The following CDH4 variants were observed in gnomAD, a reference collection of about 807,000 sequenced individuals.
CDH4 encodes the protein cadherin 4.
Under a neutral mutation model 86.0 loss-of-function variants are expected in CDH4, and 33 were observed. The observed-to-expected ratio is 0.38, with a 90% confidence interval of 0.29 to 0.51. CDH4 has a LOEUF of 0.51. Ranked by LOEUF, CDH4 falls within the 20% of genes least tolerant of loss-of-function variation. The pLI, the probability that CDH4 is intolerant of heterozygous loss-of-function variation, is 0.86. For synonymous variants in CDH4, 555 were observed against 549.4 expected, an observed-to-expected ratio of 1.01 and a Z score of -0.14; for missense variants, 1,114 against 1,307.4, an observed-to-expected ratio of 0.85 and a Z score of 2.28.
At chr20:61,652,938 A>ATTTTTATTTTTTATTT (rs2087138479) in intron 2 of CDH4, among the ~76,000 whole-genome samples, 3 of 97,404 alleles carry the variant, frequency 3.1e-5, no homozygotes, top group Non-Finnish European at 4.7e-5. Flanking sequence ...TTATTTATTT[A>ATTTTTATTTTTTATTT]TTTTTTTTTT....
rs2054733720 is a variant in CDH4 at position 61,902,173 on chromosome 20, C to T, written c.1188+7126C>T. Among the ~76,000 whole-genome samples the T allele has an allele frequency of 6.6e-6, 1 of 152,322 alleles. No individual in the cohort carries two copies. Among genetic ancestry groups the T allele is most frequent in the South Asian group, 2.1e-4 (1 of 4,820 alleles). Reference sequence around the variant, plus strand: ...GTTCCAGAATCGTGAAAGGCGGGTCCTCGGCAGGCGTGGAGGCATCGTGGA... The same window carrying T: ...GTTCCAGAATCGTGAAAGGCGGGTCTTCGGCAGGCGTGGAGGCATCGTGGA... On this transcript the variant is annotated intron_variant, in intron 8 of 15. Transcript: ENST00000614565. This position sits in a 1 kb window ranked among gnomAD's most constrained non-coding sequence, Gnocchi z 4.6.
intron 2 of CDH4, among the ~76,000 whole-genome samples, chr20:61,450,790 T>A (rs2085374983): frequency 6.8e-6 from 1 of 147,378 alleles, no homozygotes; most frequent in South Asian, 2.3e-4. Flanking sequence ...AGAACCCTGC[T>A]CTCCAATGGA....
At chr20:61,401,648 A>G (rs998898448) in intron 2 of CDH4, among the ~76,000 whole-genome samples, 4 of 152,166 alleles carry the variant, frequency 2.6e-5, no homozygotes, top group African/African-American at 9.7e-5. Flanking sequence ...GTGACATATC[A>G]TGACCTCTTA....
At chr20:61,548,171 A>G (rs2086102719) in intron 2 of CDH4, among the ~76,000 whole-genome samples, 1 of 152,186 alleles carries the variant, frequency 6.6e-6, no homozygotes, top group African/African-American at 2.4e-5. Flanking sequence ...AGAAAACAAT[A>G]TAAGAGGTTT....
Position 61,807,503 on chromosome 20 carries a change from G to C in CDH4, c.576+34321G>C, listed in dbSNP as rs577830921. Among the ~76,000 whole-genome samples the C allele has an allele frequency of 6.6e-6, 1 of 152,178 alleles. No homozygotes were observed. Among genetic ancestry groups the C allele is most frequent in the Non-Finnish European group, 1.5e-5 (1 of 68,036 alleles). On this transcript the variant is annotated intron_variant, in intron 4 of 15. Coordinates refer to ENST00000614565, the MANE Select transcript of CDH4 (RefSeq NM_001794.5). This position sits in a 1 kb window ranked among gnomAD's most constrained non-coding sequence, Gnocchi z 4.5. Reference sequence around the variant, plus strand: ...TCCTCTTTCTACTCCATCTCCTCCCGGCTGGGAAGTTGCAGCCCTTTCTCC... The same window carrying C: ...TCCTCTTTCTACTCCATCTCCTCCCCGCTGGGAAGTTGCAGCCCTTTCTCC...
chr20:61,922,858 C>T (rs1282150438), intron 9 of CDH4, among the ~76,000 whole-genome samples: 3 of 152,220 alleles, frequency 2.0e-5, no homozygotes, highest in South Asian at 2.1e-4. Context: ...TGGGCTCAAG[C>T]GATCCTCCCA....
At chr20:61,456,932 A>G (rs2085409963) in intron 2 of CDH4, among the ~76,000 whole-genome samples, 1 of 152,210 alleles carries the variant, frequency 6.6e-6, no homozygotes, top group Non-Finnish European at 1.5e-5. Flanking sequence ...TGGATTCACA[A>G]TGGGGTAATA....
intron 2 of CDH4, among the ~76,000 whole-genome samples, chr20:61,378,260 A>G (rs1332958324): frequency 6.6e-6 from 1 of 151,990 alleles, no homozygotes; most frequent in African/African-American, 2.4e-5. Context: ...CTGTTAAAAG[A>G]AAAAAAAATT....
At chr20:61,926,116 A>C (rs1339594650) in intron 11 of CDH4, among the ~76,000 whole-genome samples, 1 of 152,258 alleles carries the variant, frequency 6.6e-6, no homozygotes. Context: ...CCAGCCACGC[A>C]GATGATTCAG....
At chr20:61,321,362 C>T (rs1744490197) in intron 2 of CDH4, among the ~76,000 whole-genome samples, 1 of 151,730 alleles carries the variant, frequency 6.6e-6, no homozygotes, top group South Asian at 2.1e-4. Context: ...TTACTCTTAA[C>T]AAAAAACGGC....
intron 6 of CDH4, among the ~76,000 whole-genome samples, chr20:61,863,688 A>G (rs4925307): frequency 0.98 from 148,980 of 152,290 alleles, 72,954 homozygotes; most frequent in Non-Finnish European, 1. Context: ...CAGAGCCAGC[A>G]CTGCTTACAG....
intron 3 of CDH4, among the ~76,000 whole-genome samples, chr20:61,752,450 A>G (rs1390765988): frequency 2.6e-5 from 4 of 152,218 alleles, no homozygotes; most frequent in Admixed American, 2.6e-4. Context: ...ATGGGAGTGT[A>G]CAATGGTACA....
At chr20:61,858,537 CTG>C (rs1393556290) in intron 6 of CDH4, among the ~76,000 whole-genome samples, 71 of 151,590 alleles carry the variant, frequency 4.7e-4, no homozygotes, top group African/African-American at 1.5e-3. Context: ...GTGTCTGCGT[CTG>C]TGTGTGTGTC....
intron 2 of CDH4, among the ~76,000 whole-genome samples, chr20:61,635,355 G>A (rs932310150): frequency 1.3e-5 from 2 of 152,168 alleles, no homozygotes; most frequent in East Asian, 1.9e-4. Flanking sequence ...ATGGTGCTGG[G>A]GCTTTTTGCA....
intron 2 of CDH4, among the ~76,000 whole-genome samples, chr20:61,430,501 C>T (rs945092637): frequency 3.3e-5 from 5 of 152,178 alleles, no homozygotes; most frequent in African/African-American, 1.2e-4. Flanking sequence ...AGTGCCTTAT[C>T]ACCCTTTATG....
chr20:61,892,763 G>A (rs1380178531), intron 7 of CDH4, among the ~76,000 whole-genome samples: 1 of 152,082 alleles, frequency 6.6e-6, no homozygotes, highest in Non-Finnish European at 1.5e-5. Flanking sequence ...TGGCAATTTG[G>A]GCTAGGCTCA....
chr20:61,536,905 C>T (rs755693649), intron 2 of CDH4, among the ~76,000 whole-genome samples: 1 of 152,170 alleles, frequency 6.6e-6, no homozygotes, highest in Non-Finnish European at 1.5e-5. Flanking sequence ...GAGAAGAGGC[C>T]GGTGGGTCCC....
chr20:61,897,063 C>G (rs1202703570), intron 8 of CDH4, among the ~76,000 whole-genome samples: 1 of 152,222 alleles, frequency 6.6e-6, no homozygotes, highest in East Asian at 1.9e-4. Context: ...CCCAGGGAGT[C>G]ACACTGAGCC....
intron 2 of CDH4, among the ~76,000 whole-genome samples, chr20:61,382,396 G>T (rs2084907906): frequency 6.6e-6 from 1 of 152,210 alleles, no homozygotes; most frequent in Non-Finnish European, 1.5e-5. Context: ...AACACACATG[G>T]TGAACATGCA....
Sources: allele counts gnomAD v4.1 joint callset (sites outside exome capture counted in the v4.1 genomes callset), GRCh38; gene constraint gnomAD v4.1.1; non-coding constraint Gnocchi (gnomAD v3.1); transcripts MANE v1.5; gene names NCBI Gene and HGNC (gene_info 2026-07-23, HGNC 2026-07-21).